RGS21: variants seen among roughly 807,000 people sequenced by gnomAD.
The protein encoded by RGS21 is regulator of G-protein signalling 21.
In RGS21, 19 loss-of-function variants were observed where a neutral mutation model predicts 18.7. The ratio of observed to expected loss-of-function variants is 1.01; its 90% CI spans 0.71 to 1.49. RGS21 has a LOEUF of 1.49. Ranked by LOEUF, RGS21 falls within the 40% of genes most tolerant of loss-of-function variation. The pLI is 0.00. For synonymous variants in RGS21, 56 were observed against 57.8 expected, an observed-to-expected ratio of 0.97 and a Z score of 0.14; for missense variants, 194 against 176.8, an observed-to-expected ratio of 1.10 and a Z score of -0.55.
chr1:192,323,257 A>G (rs1658520544), intron 1 of RGS21, among the ~76,000 whole-genome samples: 1 of 152,134 alleles, frequency 6.6e-6, no homozygotes, highest in South Asian at 2.1e-4. Context: ...GTTGGCTGTG[A>G]AGGAAATTCC....
At chr1:192,334,847 C>G (rs562353167) in intron 1 of RGS21, among the ~76,000 whole-genome samples, 2 of 152,222 alleles carry the variant, frequency 1.3e-5, no homozygotes, top group South Asian at 4.1e-4. Flanking sequence ...TTTCCCTTCC[C>G]CCAACAAGAT....
intron 4 of RGS21, among the ~76,000 whole-genome samples, chr1:192,354,078 T>A (rs751098884): frequency 1.3e-5 from 2 of 151,740 alleles, no homozygotes; most frequent in African/African-American, 4.8e-5. Flanking sequence ...TTACACCGAT[T>A]GCAATCTTCA....
intron 3 of RGS21, among the ~76,000 whole-genome samples, chr1:192,350,867 G>A (rs1000537778): frequency 6.6e-6 from 1 of 152,138 alleles, no homozygotes; most frequent in Non-Finnish European, 1.5e-5. Context: ...GAGGAAAATA[G>A]AGAAGGAAAG....
chr1:192,318,146 T>C (rs930378194), intron 1 of RGS21, among the ~76,000 whole-genome samples: 1 of 152,112 alleles, frequency 6.6e-6, no homozygotes, highest in African/African-American at 2.4e-5. Context: ...TATCCTGTTA[T>C]TTTTAGACAA....
intron 3 of RGS21, among the ~76,000 whole-genome samples, chr1:192,349,114 G>A (rs1658997012): frequency 6.6e-6 from 1 of 152,120 alleles, no homozygotes; most frequent in Non-Finnish European, 1.5e-5. Flanking sequence ...CAATGGGACA[G>A]ATCAAGTTTG....
chr1:192,331,234 A>T (rs1021645773), intron 1 of RGS21, among the ~76,000 whole-genome samples: 1 of 152,048 alleles, frequency 6.6e-6, no homozygotes, highest in African/African-American at 2.4e-5. Flanking sequence ...AAGTGATCTG[A>T]TTTTAAAAAA....
At chr1:192,344,277 C>T (rs1029884574) in intron 2 of RGS21, among the ~76,000 whole-genome samples, 14 of 151,972 alleles carry the variant, frequency 9.2e-5, no homozygotes, top group Non-Finnish European at 4.4e-5. Context: ...TGTTCCAAAA[C>T]ATGAATAAAG....
Position 192,362,986 on chromosome 1 carries a change from C to T in RGS21, c.256-2935C>T, listed in dbSNP as rs76429441. 2.6e-3 allele frequency among the ~76,000 whole-genome samples: 401 copies of T among 152,128 alleles called. 2 individuals carry two copies. Among genetic ancestry groups the T allele is most frequent in the African/African-American group, 9.1e-3 (378 of 41,522 alleles). On this transcript the variant is annotated intron_variant, in intron 4 of 4. Transcript: ENST00000417209. ...AGAAAAAAAATCCACACATAAACTT[C>T]AATGCTAGGTGTTAGTTAAATTTAA...
intron 4 of RGS21, among the ~76,000 whole-genome samples, chr1:192,362,721 G>A (rs191937784): frequency 3.0e-4 from 46 of 152,246 alleles, no homozygotes; most frequent in East Asian, 7.7e-4. Flanking sequence ...TCAGAAAAAT[G>A]ACGAGCATAA....
At chr1:192,348,273 G>T (rs1658986129) in intron 3 of RGS21, among the ~76,000 whole-genome samples, 1 of 152,010 alleles carries the variant, frequency 6.6e-6, no homozygotes, top group Admixed American at 6.6e-5. Context: ...TGATCTGCCT[G>T]CCTTGACCTC....
chr1:192,365,886 A>G, intron 4 of RGS21, 35 bp from the exon 5 acceptor site: 1 of 1,172,674 alleles, frequency 8.5e-7, no homozygotes, highest in Non-Finnish European at 1.3e-6. Context: ...CTTTGATTAA[A>G]CTAATTCAAT....
intron 1 of RGS21, among the ~76,000 whole-genome samples, chr1:192,322,754 T>C (rs1030484158): frequency 1.3e-5 from 2 of 152,084 alleles, no homozygotes; most frequent in Non-Finnish European, 2.9e-5. Flanking sequence ...AAAGGGTGTC[T>C]TAAACTGTCT....
intron 1 of RGS21, among the ~76,000 whole-genome samples, chr1:192,328,893 A>C (rs1311754973): frequency 6.6e-6 from 1 of 152,118 alleles, no homozygotes; most frequent in Non-Finnish European, 1.5e-5. Context: ...TTGGTATAGA[A>C]ATATTAAAGC....
intron 3 of RGS21, among the ~76,000 whole-genome samples, chr1:192,351,776 AAT>A (rs1011206098): frequency 9.5e-5 from 14 of 147,810 alleles, no homozygotes; most frequent in South Asian, 6.3e-4. Flanking sequence ...TAACATATAT[AAT>A]ATATATAACA....
chr1:192,359,229 C>T (rs180744868), intron 4 of RGS21, among the ~76,000 whole-genome samples: 2 of 152,140 alleles, frequency 1.3e-5, no homozygotes, highest in Admixed American at 6.6e-5. Context: ...ACAAACAATA[C>T]AAGTAGCTAT....
intron 3 of RGS21, among the ~76,000 whole-genome samples, chr1:192,348,088 T>G (rs908551149): frequency 6.6e-6 from 1 of 150,806 alleles, no homozygotes; most frequent in African/African-American, 2.4e-5. Flanking sequence ...TGTAGTGGTG[T>G]GATCTCTGCT....
At chr1:192,352,782 G>A (rs917769181) in intron 4 of RGS21, among the ~76,000 whole-genome samples, 1 of 151,988 alleles carries the variant, frequency 6.6e-6, no homozygotes, top group Non-Finnish European at 1.5e-5. Flanking sequence ...GAGCCTTGGG[G>A]AGAAACCTGC....
At chr1:192,333,542 C>T (rs1320674530) in intron 1 of RGS21, among the ~76,000 whole-genome samples, 1 of 143,592 alleles carries the variant, frequency 7.0e-6, no homozygotes, top group African/African-American at 2.6e-5. Context: ...GTGGATTAAT[C>T]ACAAGAACAC....
chr1:192,317,905 G>C (rs1658441964), intron 1 of RGS21, among the ~76,000 whole-genome samples: 1 of 151,338 alleles, frequency 6.6e-6, no homozygotes, highest in East Asian at 1.9e-4. Context: ...AAAATTTTTA[G>C]TCAACATGTG....
Sources: gnomAD v4.1 joint callset for allele counts (sites outside exome capture counted in the v4.1 genomes callset) on GRCh38, gnomAD v4.1.1 for gene constraint, MANE v1.5 for transcripts, NCBI Gene and HGNC (gene_info 2026-07-23, HGNC 2026-07-21) for gene names.